LTBP1: variants seen among roughly 807,000 people sequenced by gnomAD.
The protein encoded by LTBP1 is latent transforming growth factor beta binding protein 1, also known as latent-transforming growth factor beta-binding protein 1.
In LTBP1, 129 loss-of-function variants were observed where a neutral mutation model predicts 207.6. That is an observed-to-expected ratio of 0.62 (90% CI 0.54 to 0.72). The LOEUF (loss-of-function observed/expected upper bound fraction) is 0.72, where lower values mean the gene tolerates loss of function less well. LTBP1 is among the 30% of genes least tolerant of loss of function. The probability of loss-of-function intolerance (pLI) is 0.00; values close to 1 mark genes in which losing one functional copy is unlikely to be tolerated. For synonymous variants in LTBP1, 963 were observed against 833.7 expected, an observed-to-expected ratio of 1.16 and a Z score of -2.67; for missense variants, 2,281 against 2,217.2, an observed-to-expected ratio of 1.03 and a Z score of -0.58.
intron 5 of LTBP1, among the ~76,000 whole-genome samples, chr2:33,135,958 G>T (rs967828998): frequency 1.4e-4 from 21 of 152,272 alleles, no homozygotes; most frequent in Middle Eastern, 6.8e-3. Flanking sequence ...AGTCTTGGAA[G>T]TGTGTGTCTG....
At chr2:33,103,021 T>C (rs2079828079) in intron 3 of LTBP1, among the ~76,000 whole-genome samples, 2 of 152,170 alleles carry the variant, frequency 1.3e-5, no homozygotes. Flanking sequence ...GTATGCTGTA[T>C]GCATTGTCTG....
chr2:33,072,408 C>T (rs928503164), intron 3 of LTBP1, among the ~76,000 whole-genome samples: 5 of 152,164 alleles, frequency 3.3e-5, no homozygotes, highest in African/African-American at 1.2e-4. Flanking sequence ...CTACCAAGGC[C>T]TGTCCAGATT....
intron 16 of LTBP1, among the ~76,000 whole-genome samples, chr2:33,274,686 G>C (rs1247373850): frequency 6.6e-6 from 1 of 152,280 alleles, no homozygotes; most frequent in East Asian, 1.9e-4. Context: ...TCGTTATCAG[G>C]AGAATCCTTC....
At chr2:33,042,784 A>G (rs1182503494) in intron 3 of LTBP1, among the ~76,000 whole-genome samples, 3 of 152,218 alleles carry the variant, frequency 2.0e-5, no homozygotes, top group Non-Finnish European at 4.4e-5. Flanking sequence ...ATAGGCGGCA[A>G]TTTTTGACAT....
chr2:33,388,970 A>C (rs1368897105), intron 31 of LTBP1, among the ~76,000 whole-genome samples: 1 of 152,144 alleles, frequency 6.6e-6, no homozygotes, highest in African/African-American at 2.4e-5. Flanking sequence ...TTCAATTTGG[A>C]ACCTTAATTA....
rs758782887 is a variant in LTBP1 at position 33,265,571 on chromosome 2, A to G, written c.2617+2179A>G. On this transcript the variant is annotated intron_variant, in intron 15 of 33. Transcript: ENST00000404816. Reference sequence around the variant, plus strand: ...AAATATAGCAGGAAGTAGTCATACAATATTGCTAAATTTAAGATGAAGGAT... The same window carrying G: ...AAATATAGCAGGAAGTAGTCATACAGTATTGCTAAATTTAAGATGAAGGAT... Among the ~76,000 whole-genome samples, 7 of 152,306 alleles carry G rather than the reference A, an allele frequency of 4.6e-5. No homozygotes were observed. The South Asian group carries it at 6.2e-4, about 14-fold the overall frequency.
intron 24 of LTBP1, among the ~76,000 whole-genome samples, chr2:33,341,096 A>G (rs1254661789): frequency 6.7e-6 from 1 of 149,572 alleles, no homozygotes; most frequent in Non-Finnish European, 1.5e-5. Context: ...CAAATCTTAC[A>G]TTTTGGCGTG....
intron 12 of LTBP1, among the ~76,000 whole-genome samples, chr2:33,257,763 G>A (rs2092903720): frequency 6.6e-6 from 1 of 152,180 alleles, no homozygotes; most frequent in Admixed American, 6.5e-5. Flanking sequence ...TTTGGGGGCT[G>A]CTTTATCTTG....
chr2:33,255,930 C>T (rs1354382099), intron 11 of LTBP1, among the ~76,000 whole-genome samples: 1 of 152,034 alleles, frequency 6.6e-6, no homozygotes, highest in Non-Finnish European at 1.5e-5. Context: ...GGTAATTTGC[C>T]TCCAACACCA....
intron 3 of LTBP1, among the ~76,000 whole-genome samples, chr2:33,109,598 G>T (rs1412566570): frequency 1.3e-5 from 2 of 152,186 alleles, no homozygotes; most frequent in Non-Finnish European, 2.9e-5. Context: ...TTAGCACATA[G>T]TAATCATGTT....
intron 10 of LTBP1, among the ~76,000 whole-genome samples, chr2:33,251,226 C>G (rs1399213176): frequency 6.6e-6 from 1 of 152,176 alleles, no homozygotes; most frequent in Admixed American, 6.5e-5. Flanking sequence ...ACTGAAGAAT[C>G]AGAGACACCA....
At chr2:33,099,299 C>A (rs1214276467) in intron 3 of LTBP1, among the ~76,000 whole-genome samples, 3 of 152,308 alleles carry the variant, frequency 2.0e-5, no homozygotes, top group Non-Finnish European at 2.9e-5. Context: ...TTGAGAAAAA[C>A]AGAGTTTCTT....
intron 4 of LTBP1, among the ~76,000 whole-genome samples, chr2:33,115,410 T>A (rs915988048): frequency 3.3e-5 from 5 of 152,186 alleles, no homozygotes; most frequent in African/African-American, 9.7e-5. Flanking sequence ...GAAAATGTTC[T>A]GGAATTAGGT....
At chr2:33,346,901 G>T (rs1027455749) in intron 25 of LTBP1, among the ~76,000 whole-genome samples, 2 of 152,102 alleles carry the variant, frequency 1.3e-5, no homozygotes, top group Non-Finnish European at 2.9e-5. Flanking sequence ...CGGATCACGA[G>T]GTCAGGAGAT....
intron 32 of LTBP1, among the ~76,000 whole-genome samples, chr2:33,390,629 A>G (rs1255332344): frequency 6.6e-6 from 1 of 151,876 alleles, no homozygotes. Context: ...CTGGGACTAC[A>G]GGCACGTGCC....
rs892749375 is a variant in LTBP1, at chr2:33,110,501, C to G, written c.864-81C>G. 5.4e-6 allele frequency: 7 copies of G among 1,286,392 alleles called. No homozygotes were observed. In the Admixed American group the frequency reaches 1.5e-4, roughly 27 times the overall value. The allele number at this position is 1,286,392 out of a possible 1,614,324, so 79.7% of individuals were successfully genotyped here. A position where few individuals can be genotyped will look rare whatever the true frequency, so the allele number is the denominator to read the frequency against. On this transcript the variant is annotated intron_variant, in intron 3 of 33. Transcript: ENST00000404816. ...AATTGATGCTCCTTTCTACATTTAA[C>G]TCGTTGCTTACCCTTTCCTTATTAG...
At chr2:33,215,390 G>A (rs561256599) in intron 7 of LTBP1, among the ~76,000 whole-genome samples, 49 of 152,228 alleles carry the variant, frequency 3.2e-4, no homozygotes, top group African/African-American at 1.2e-3. Context: ...ATATACTGCT[G>A]TTGGAGAGCA....
intron 2 of LTBP1, among the ~76,000 whole-genome samples, chr2:32,973,854 T>C (rs546466066): frequency 2.2e-3 from 342 of 152,338 alleles, no homozygotes; most frequent in Non-Finnish European, 2.9e-3. Flanking sequence ...ATATTTGTCT[T>C]TTTGTGCCTG....
rs752965873 is a variant in LTBP1, at chr2:33,263,298, G to C, written c.2523G>C (p.Val841=). The change falls in exon 15 of 34, where the codon GTG becomes GTC. Residue 841 remains valine (V), a synonymous_variant. Transcript: ENST00000404816. ...TIHLHPQFPV[V]IEKTSPPVPV... is the part of the protein sequence containing the mutation. ...ATCCTCTGCTTCCTCATATAGTAGTGATTGAAAAAACATCACCTCCTGTGC... is the reference window on the plus strand; with the variant it reads ...ATCCTCTGCTTCCTCATATAGTAGTCATTGAAAAAACATCACCTCCTGTGC... The C allele has an allele frequency of 1.2e-6, 2 of 1,607,440 alleles. No individual in the cohort carries two copies. The highest frequency in any genetic ancestry group is 1.7e-6 in the Non-Finnish European group (2 of 1,174,074).
Sources: gnomAD v4.1 joint callset for allele counts (sites outside exome capture counted in the v4.1 genomes callset) on GRCh38, gnomAD v4.1.1 for gene constraint, MANE v1.5 for transcripts, NCBI Gene and HGNC (gene_info 2026-07-23, HGNC 2026-07-21) for gene names.